Variants in CCDC169 observed in about 807,000 individuals in gnomAD.
The protein encoded by CCDC169 is coiled-coil domain-containing protein 169.
In CCDC169, 30 loss-of-function variants were observed where a neutral mutation model predicts 36.0. That is an observed-to-expected ratio of 0.83 (90% CI 0.62 to 1.13). The LOEUF (loss-of-function observed/expected upper bound fraction) is 1.13. CCDC169 is among the 50% of genes most tolerant of loss of function. The probability of loss-of-function intolerance (pLI) is 0.00; values close to 1 mark genes in which losing one functional copy is unlikely to be tolerated. For missense variants in CCDC169, 245 were observed against 245.9 expected, an observed-to-expected ratio of 1.00 and a Z score of 0.03; for synonymous variants, 85 against 81.5, an observed-to-expected ratio of 1.04 and a Z score of -0.23.
At chr13:36,234,045 A>C (rs1304813030) in intron 7 of CCDC169, among the ~76,000 whole-genome samples, 1 of 152,180 alleles carries the variant, frequency 6.6e-6, no homozygotes, top group Admixed American at 6.5e-5. Context: ...GGGTGGCTTC[A>C]TCTACATAAA....
intron 4 of CCDC169, among the ~76,000 whole-genome samples, chr13:36,268,364 T>C (rs1325067381): frequency 6.6e-6 from 1 of 152,210 alleles, no homozygotes; most frequent in African/African-American, 2.4e-5. Flanking sequence ...AATCTGCTCC[T>C]GAATGATATC....
At chr13:36,278,032 T>C (rs989218126) in intron 4 of CCDC169, among the ~76,000 whole-genome samples, 2 of 152,176 alleles carry the variant, frequency 1.3e-5, no homozygotes, top group Non-Finnish European at 2.9e-5. Context: ...ATTCACAACT[T>C]ATATAACAGC....
intron 4 of CCDC169, among the ~76,000 whole-genome samples, chr13:36,259,508 T>C (rs1037557675): frequency 1.3e-5 from 2 of 152,210 alleles, no homozygotes; most frequent in Non-Finnish European, 2.9e-5. Flanking sequence ...GGTCTGAGTA[T>C]GTTCCCTGGG....
downstream of CCDC169, chr13:36,223,820 C>T (rs2138355040): frequency 6.6e-6 from 1 of 152,056 alleles, no homozygotes; most frequent in East Asian, 1.9e-4. Context: ...CTAGACAGGT[C>T]CTCACCTGTG....
At chr13:36,254,521 C>A (rs1395941066) in intron 4 of CCDC169, among the ~76,000 whole-genome samples, 2 of 151,972 alleles carry the variant, frequency 1.3e-5, no homozygotes, top group Non-Finnish European at 2.9e-5. Context: ...AGGTGATCCA[C>A]CCACCTCAGC....
intron 7 of CCDC169, among the ~76,000 whole-genome samples, chr13:36,244,010 CCT>C (rs1872183618): frequency 6.6e-6 from 1 of 152,068 alleles, no homozygotes; most frequent in Non-Finnish European, 1.5e-5. Context: ...GAAATATTCC[CCT>C]CTTCACTATT....
At chr13:36,252,073 C>T (rs1339296272) in intron 6 of CCDC169, among the ~76,000 whole-genome samples, 1 of 152,260 alleles carries the variant, frequency 6.6e-6, no homozygotes. Context: ...TTTGCAATGC[C>T]ATTACAGTCT....
intron 4 of CCDC169, among the ~76,000 whole-genome samples, chr13:36,268,998 G>A (rs547625324): frequency 6.1e-4 from 93 of 152,104 alleles, no homozygotes; most frequent in Admixed American, 1.6e-3. Context: ...CCAGCTACTC[G>A]GGAGGCTGAG....
At chr13:36,294,994 A>G (rs2138662017) in intron 2 of CCDC169, among the ~76,000 whole-genome samples, 1 of 152,280 alleles carries the variant, frequency 6.6e-6, no homozygotes, top group South Asian at 2.1e-4. Context: ...CTCTGGAGGC[A>G]GAAATTGGGC....
intron 2 of CCDC169, among the ~76,000 whole-genome samples, chr13:36,293,217 C>T (rs967813553): frequency 6.6e-6 from 1 of 152,078 alleles, no homozygotes; most frequent in Non-Finnish European, 1.5e-5. Flanking sequence ...TAATATTGCC[C>T]CACTGCCTTC....
intron 7 of CCDC169, among the ~76,000 whole-genome samples, chr13:36,232,838 A>T (rs1425899088): frequency 6.6e-6 from 1 of 152,158 alleles, no homozygotes; most frequent in African/African-American, 2.4e-5. Context: ...CAGAGGTTGC[A>T]GTGAGCCGAG....
chr13:36,254,132 G>A lies in CCDC169; in HGVS notation c.327C>T (p.Asn109=). 1 of 1,519,032 alleles carries A rather than the reference G, an allele frequency of 6.6e-7. No homozygotes were observed. The highest frequency in any genetic ancestry group is 8.8e-7 in the Non-Finnish European group (1 of 1,136,696). The allele number at this position is 1,519,032 out of a possible 1,614,324, so 94.1% of individuals were successfully genotyped here. A position where few individuals can be genotyped will look rare whatever the true frequency, so the allele number is the denominator to read the frequency against. ...VYERMPVESL[N]TLLKQLEEEK... ...CTTCTTCTAGCTGTTTAAGTAATGT[G>A]TTTAAGGATTCCTAAAAATATAAAT... The change falls in exon 5 of 8, where the codon AAC becomes AAT. Residue 109 remains asparagine (N), a synonymous_variant. Coordinates refer to ENST00000239859, the MANE Select transcript of CCDC169 (RefSeq NM_001144981.3).
intron 4 of CCDC169, among the ~76,000 whole-genome samples, chr13:36,272,312 C>A (rs1204779650): frequency 6.6e-6 from 1 of 151,696 alleles, no homozygotes; most frequent in Non-Finnish European, 1.5e-5. Context: ...AGTCAGCTAA[C>A]AATGGAGTCC....
chr13:36,295,852 G>A lies in CCDC169; in HGVS notation c.89C>T (p.Ala30Val). 3.3e-6 allele frequency: 5 copies of A among 1,519,370 alleles called. No homozygotes were observed. The highest frequency in any genetic ancestry group is 1.2e-5 in the South Asian group (1 of 80,308). 94.1% of individuals were successfully genotyped at this position (1,519,370 alleles called of 1,614,324 possible). The change falls in exon 2 of 8, where the codon GCA (alanine) becomes GTA (valine). Residue 30 changes from alanine (A) to valine (V), a missense_variant. Transcript: ENST00000239859. ...QLLEEVRKKD[A>V]VQLSIFELRH... ...TAGTTCAAATATTGAGAGTTGCACT[G>A]CATCCCTGTTATTTAAAATATTTTT...
chr13:36,296,381 C>T (rs1002967799), intron 1 of CCDC169, among the ~76,000 whole-genome samples: 11 of 152,214 alleles, frequency 7.2e-5, no homozygotes, highest in African/African-American at 2.2e-4. Context: ...GCGTGAGCCA[C>T]CAGGCCCGGC....
At position 36,297,672 on chromosome 13, in the gene CCDC169, G is replaced by A; in HGVS notation, c.48C>T (p.Arg16=). 6.4e-7 allele frequency: 1 copy of A among 1,551,322 alleles called. No homozygotes were observed. The highest frequency in any genetic ancestry group is 8.7e-7 in the Non-Finnish European group (1 of 1,147,014). ...CTTCTTCCAGCAACTGCTGTTTCAG[G>A]CGGTTGGTGCTCACACCGTCGAAGT... ...NYNFDGVSTN[R]LKQQLLEEVR... is the part of the protein sequence containing the mutation. The change falls in exon 1 of 8, where the codon CGC becomes CGT. Residue 16 remains arginine (R), a synonymous_variant. Transcript: ENST00000239859.
chr13:36,228,785 A>G (rs528582508), downstream of CCDC169, among the ~76,000 whole-genome samples: 23 of 152,264 alleles, frequency 1.5e-4, no homozygotes, highest in South Asian at 1.7e-3. Context: ...TCCTGGGCTC[A>G]AGCAATTCAC....
downstream of CCDC169, chr13:36,227,495 C>A: frequency 2.7e-6 from 3 of 1,126,966 alleles, no homozygotes; most frequent in Non-Finnish European, 2.3e-6. Flanking sequence ...CACACATATA[C>A]ACAAAAATAA....
downstream of CCDC169, chr13:36,223,880 A>G (rs1869733453): frequency 6.6e-6 from 1 of 152,296 alleles, no homozygotes; most frequent in African/African-American, 2.4e-5. Context: ...TTCTGTTGCA[A>G]GAATAATTCT....
Sources: allele counts gnomAD v4.1 joint callset (sites outside exome capture counted in the v4.1 genomes callset), GRCh38; gene constraint gnomAD v4.1.1; transcripts MANE v1.5; gene names NCBI Gene and HGNC (gene_info 2026-07-23, HGNC 2026-07-21).